The following STX8 variants were observed in gnomAD, a reference collection of about 807,000 sequenced individuals.
The protein encoded by STX8 is syntaxin-8.
A neutral mutation model predicts 37.5 loss-of-function variants in STX8; 23 were observed. That is an observed-to-expected ratio of 0.61 (90% confidence interval 0.44 to 0.87). STX8 has a LOEUF of 0.87. Among genes scored for constraint, STX8 ranks in the 40% least tolerant of loss-of-function variants. The pLI, the probability that STX8 is intolerant of heterozygous loss-of-function variation, is 0.00. For missense variants in STX8, 313 were observed against 284.7 expected, an observed-to-expected ratio of 1.10 and a Z score of -0.71; for synonymous variants, 115 against 99.1, an observed-to-expected ratio of 1.16 and a Z score of -0.95.
At position 9,546,590 on chromosome 17, in the gene STX8, G is replaced by GTTTTTTTTTT. The variant is rs745424722; in HGVS notation, c.213-1309_213-1308insAAAAAAAAAA. On this transcript the variant is annotated intron_variant, in intron 3 of 7. Transcript: ENST00000306357. ...CTTTCTTGATGCAAACTACAAAAGTGGTTTTTTTTTTTTTTTTTTTTTTTT... is the reference window on the plus strand; with the variant it reads ...CTTTCTTGATGCAAACTACAAAAGTGTTTTTTTTTTGTTTTTTTTTTTTTTTTTTTTTTTT... Among the ~76,000 whole-genome samples, 104 of 62,208 alleles carry GTTTTTTTTTT rather than the reference G, an allele frequency of 1.7e-3. 5 individuals carry two copies. Among genetic ancestry groups the GTTTTTTTTTT allele is most frequent in the African/African-American group, 4.3e-3 (73 of 17,084 alleles). The allele number at this position is 62,208 out of a possible 152,430, so 40.8% of individuals were successfully genotyped here.
intron 2 of STX8, among the ~76,000 whole-genome samples, chr17:9,566,783 G>A (rs1486117242): frequency 4.0e-5 from 6 of 150,310 alleles, no homozygotes; most frequent in South Asian, 2.1e-4. Flanking sequence ...GCAAAACTCC[G>A]TCTCGAAAAA....
intron 7 of STX8, among the ~76,000 whole-genome samples, chr17:9,304,182 T>C (rs1302909545): frequency 2.0e-5 from 3 of 151,948 alleles, no homozygotes; most frequent in African/African-American, 7.3e-5. Context: ...CATTAAAATA[T>C]ATCCAAAGGT....
At chr17:9,329,543 A>G (rs1909894072) in intron 7 of STX8, among the ~76,000 whole-genome samples, 1 of 152,234 alleles carries the variant, frequency 6.6e-6, no homozygotes, top group African/African-American at 2.4e-5. Flanking sequence ...CCAATTATGA[A>G]GAATCCCCTG....
chr17:9,508,441 C>T (rs574152830), intron 4 of STX8, among the ~76,000 whole-genome samples: 3,684 of 152,294 alleles, frequency 0.024, 152 homozygotes, highest in African/African-American at 0.084. Flanking sequence ...ATTCTCCCTC[C>T]TCAGTCCTCC....
At chr17:9,532,702 G>C (rs1905866372) in intron 4 of STX8, among the ~76,000 whole-genome samples, 1 of 152,030 alleles carries the variant, frequency 6.6e-6, no homozygotes, top group African/African-American at 2.4e-5. Flanking sequence ...TCAACATTTT[G>C]ACCTAACACT....
intron 7 of STX8, among the ~76,000 whole-genome samples, chr17:9,341,937 G>A (rs1287760127): frequency 6.6e-6 from 1 of 152,152 alleles, no homozygotes; most frequent in Non-Finnish European, 1.5e-5. Context: ...GAGAGACCGT[G>A]GAGAGCCTCA....
intron 6 of STX8, among the ~76,000 whole-genome samples, chr17:9,462,671 C>T (rs1289715873): frequency 6.6e-6 from 1 of 151,746 alleles, no homozygotes; most frequent in African/African-American, 2.4e-5. Flanking sequence ...TGCAGTGAGC[C>T]GAGATCACAC....
intron 7 of STX8, among the ~76,000 whole-genome samples, chr17:9,342,233 G>A (rs1482400326): frequency 1.3e-5 from 2 of 152,086 alleles, no homozygotes; most frequent in East Asian, 1.9e-4. Flanking sequence ...GGTAATGCTC[G>A]CTCAACCACC....
chr17:9,548,656 C>A (rs994926726), intron 3 of STX8: 34 of 151,988 alleles, frequency 2.2e-4, no homozygotes, highest in African/African-American at 8.0e-4. Flanking sequence ...AATAGGAAAG[C>A]TGTTTAGGGG....
intron 4 of STX8, among the ~76,000 whole-genome samples, chr17:9,519,826 G>C (rs964162313): frequency 9.7e-5 from 14 of 144,874 alleles, no homozygotes; most frequent in African/African-American, 3.6e-4. Context: ...TGTCCATCTG[G>C]CAAAATTCTA....
intron 7 of STX8, among the ~76,000 whole-genome samples, chr17:9,295,736 C>T (rs560834728): frequency 5.3e-5 from 8 of 151,828 alleles, no homozygotes; most frequent in Admixed American, 1.3e-4. Flanking sequence ...AATGAGATTC[C>T]GTCCCCCCTC....
intron 6 of STX8, among the ~76,000 whole-genome samples, chr17:9,386,769 C>A (rs967015205): frequency 1.2e-4 from 19 of 152,190 alleles, no homozygotes; most frequent in African/African-American, 3.1e-4. Flanking sequence ...AGTTCCATGG[C>A]TGAGTTAGAG....
chr17:9,265,650 T>C (rs1194316300), intron 7 of STX8, among the ~76,000 whole-genome samples: 3 of 152,216 alleles, frequency 2.0e-5, no homozygotes, highest in Non-Finnish European at 4.4e-5. Context: ...GAAATAACAC[T>C]GATATCCTCT....
At chr17:9,441,620 A>G (rs9910508) in intron 6 of STX8, among the ~76,000 whole-genome samples, 42,043 of 150,894 alleles carry the variant, frequency 0.28, 6,164 homozygotes, top group African/African-American at 0.36. Context: ...GGGCTCCCCA[A>G]GGCGCTGCCC....
At chr17:9,438,927 T>G (rs1359538150) in intron 6 of STX8, among the ~76,000 whole-genome samples, 4 of 151,912 alleles carry the variant, frequency 2.6e-5, no homozygotes, top group African/African-American at 7.3e-5. Flanking sequence ...AGACTCCATC[T>G]CAAAAAAACA....
At chr17:9,338,395 C>T (rs1054845729) in intron 7 of STX8, among the ~76,000 whole-genome samples, 1 of 152,090 alleles carries the variant, frequency 6.6e-6, no homozygotes, top group Non-Finnish European at 1.5e-5. Context: ...TTGATCAGAT[C>T]CCCTGAAGAC....
intron 6 of STX8, among the ~76,000 whole-genome samples, chr17:9,442,660 G>A (rs564061509): frequency 8.5e-5 from 13 of 152,188 alleles, no homozygotes; most frequent in Non-Finnish European, 1.3e-4. Context: ...TGCCCAACTC[G>A]ACCTCCCAAA....
chr17:9,551,493 C>T (rs1326429992), intron 3 of STX8, among the ~76,000 whole-genome samples: 2 of 152,102 alleles, frequency 1.3e-5, no homozygotes, highest in Admixed American at 6.6e-5. Flanking sequence ...ATGTGAAGCA[C>T]CCTGTATGCA....
intron 7 of STX8, among the ~76,000 whole-genome samples, chr17:9,260,808 C>T (rs1196159226): frequency 1.3e-5 from 2 of 152,220 alleles, no homozygotes; most frequent in Non-Finnish European, 2.9e-5. Context: ...AAGGCCAGGC[C>T]CCTACCTGGA....
Sources: gnomAD v4.1 joint callset for allele counts (sites outside exome capture counted in the v4.1 genomes callset) on GRCh38, gnomAD v4.1.1 for gene constraint, MANE v1.5 for transcripts, NCBI Gene and HGNC (gene_info 2026-07-23, HGNC 2026-07-21) for gene names.